The following UBAC2 variants were observed in gnomAD, a reference collection of about 807,000 sequenced individuals.
The protein encoded by UBAC2 is UBA domain containing 2.
In UBAC2, 26 loss-of-function variants were observed where a neutral mutation model predicts 44.0. That is an observed-to-expected ratio of 0.59 (90% CI 0.43 to 0.82). The LOEUF is 0.82. Among genes scored for constraint, UBAC2 ranks in the 40% least tolerant of loss-of-function variants. The pLI is 0.00. For synonymous variants in UBAC2, 155 were observed against 154.3 expected, an observed-to-expected ratio of 1.00 and a Z score of -0.04; for missense variants, 329 against 419.4, an observed-to-expected ratio of 0.78 and a Z score of 1.88.
At chr13:99,214,578 A>G (rs2042970335) in intron 1 of UBAC2, among the ~76,000 whole-genome samples, 1 of 151,146 alleles carries the variant, frequency 6.6e-6, no homozygotes, top group Non-Finnish European at 1.5e-5. Context: ...TGTGGCTTTT[A>G]CTCCTGAGTG....
At chr13:99,238,743 A>G (rs555779923) in intron 2 of UBAC2, among the ~76,000 whole-genome samples, 189 bp downstream of exon 2, 2 of 152,306 alleles carry the variant, frequency 1.3e-5, no homozygotes, top group Non-Finnish European at 2.9e-5. Context: ...TAATGAAGCA[A>G]TGGCAGTATT....
chr13:99,273,314 C>G (rs577509781), intron 4 of UBAC2, among the ~76,000 whole-genome samples: 22 of 152,214 alleles, frequency 1.4e-4, no homozygotes, highest in Admixed American at 3.9e-4. Flanking sequence ...ACCACTTTGG[C>G]AGAGTCAGAT....
chr13:99,273,697 T>A (rs1566480222), intron 4 of UBAC2, among the ~76,000 whole-genome samples: 1 of 152,118 alleles, frequency 6.6e-6, no homozygotes, highest in African/African-American at 2.4e-5. Context: ...ATTCATCCAT[T>A]TGGGTTGTAC....
chr13:99,224,173 G>A (rs1303815735), intron 1 of UBAC2, among the ~76,000 whole-genome samples: 1 of 152,106 alleles, frequency 6.6e-6, no homozygotes, highest in African/African-American at 2.4e-5. Context: ...GTTTCTCCTG[G>A]GGCCTTGCAG....
At chr13:99,204,377 C>T (rs895379313) in intron 1 of UBAC2, among the ~76,000 whole-genome samples, 1 of 152,036 alleles carries the variant, frequency 6.6e-6, no homozygotes, top group Non-Finnish European at 1.5e-5. Flanking sequence ...AGGGACAGAG[C>T]CTGGACAGGG....
chr13:99,356,083 G>T (rs761418484), intron 7 of UBAC2: 1 of 504,470 alleles, frequency 2.0e-6, no homozygotes, highest in Admixed American at 2.0e-5. Context: ...CCTCTGAAAA[G>T]AAATGTCATT....
chr13:99,202,776 C>T (rs2042820939), intron 1 of UBAC2, among the ~76,000 whole-genome samples: 1 of 152,116 alleles, frequency 6.6e-6, no homozygotes, highest in Admixed American at 6.6e-5. Flanking sequence ...GTTGGGATGG[C>T]CGTTCCTCAG....
intron 7 of UBAC2, among the ~76,000 whole-genome samples, chr13:99,342,961 C>T (rs936064997): frequency 6.6e-6 from 1 of 152,234 alleles, no homozygotes; most frequent in Non-Finnish European, 1.5e-5. Flanking sequence ...CCTGAGCCAG[C>T]CTGTCCATTT....
chr13:99,285,479 A>G (rs747480609), intron 4 of UBAC2, among the ~76,000 whole-genome samples: 10 of 151,914 alleles, frequency 6.6e-5, no homozygotes, highest in Non-Finnish European at 1.3e-4. Context: ...TGTAACGTCA[A>G]ACTTCTGGGC....
At chr13:99,336,576 A>G (rs1306140293) in intron 6 of UBAC2, among the ~76,000 whole-genome samples, 2 of 151,718 alleles carry the variant, frequency 1.3e-5, no homozygotes, top group East Asian at 3.9e-4. Context: ...CAATTTACCC[A>G]TGTCTGCTGA....
At chr13:99,227,374 C>G (rs1391709763) in intron 1 of UBAC2, among the ~76,000 whole-genome samples, 1 of 152,166 alleles carries the variant, frequency 6.6e-6, no homozygotes, top group African/African-American at 2.4e-5. Context: ...GCCCCGGGAG[C>G]TGGCTGATAG....
intron 1 of UBAC2, among the ~76,000 whole-genome samples, chr13:99,221,720 G>C (rs1566453370): frequency 6.6e-6 from 1 of 152,114 alleles, no homozygotes; most frequent in Non-Finnish European, 1.5e-5. Context: ...ACATTCACAA[G>C]GCTTCTCGGA....
chr13:99,312,227 G>C (rs1294870647), intron 4 of UBAC2, among the ~76,000 whole-genome samples: 2 of 152,354 alleles, frequency 1.3e-5, no homozygotes, highest in African/African-American at 4.8e-5. Flanking sequence ...GAGGCCAGGA[G>C]GGTCCTGTGT....
chr13:99,275,292 G>A (rs903805783), intron 4 of UBAC2, among the ~76,000 whole-genome samples: 22 of 152,232 alleles, frequency 1.4e-4, no homozygotes, highest in African/African-American at 4.8e-4. Context: ...GGAAGCCTCA[G>A]CTCCTCACCA....
rs530430597 is a variant in UBAC2 at position 99,204,675 on chromosome 13, C to G, written c.31+3736C>G. On this transcript the variant is annotated intron_variant, in intron 1 of 8. Transcript: ENST00000403766. ...AGATTTTCAAAACGGGCCTGAAGCG[C>G]GACCTGTGGGAAAGAAAGAGGCCCC... Among the ~76,000 whole-genome samples, 1,503 of 152,026 alleles carry G rather than the reference C, an allele frequency of 9.9e-3. 28 individuals are homozygous for G. The highest frequency in any genetic ancestry group is 0.035 in the African/African-American group (1,455 of 41,428).
chr13:99,201,139 G>C, intron 1 of UBAC2, 200 bp downstream of exon 1: 1 of 1,356,992 alleles, frequency 7.4e-7, no homozygotes, highest in Non-Finnish European at 9.5e-7. Flanking sequence ...GGGGCGAATG[G>C]GGACAAAGCC....
intron 8 of UBAC2, among the ~76,000 whole-genome samples, chr13:99,379,830 C>G (rs1262873192): frequency 6.6e-6 from 1 of 152,226 alleles, no homozygotes; most frequent in Non-Finnish European, 1.5e-5. Context: ...AAACATAAAT[C>G]TTTTTCTTAT....
chr13:99,330,662 T>C (rs1007191379), intron 6 of UBAC2, among the ~76,000 whole-genome samples: 1 of 152,020 alleles, frequency 6.6e-6, no homozygotes, highest in Non-Finnish European at 1.5e-5. Flanking sequence ...TATTTTTCTT[T>C]ATTATACTAG....
At chr13:99,340,265 C>T (rs1390831583) in intron 6 of UBAC2, 55 bp from the exon 7 acceptor site, 2 of 1,565,290 alleles carry the variant, frequency 1.3e-6, no homozygotes, top group Non-Finnish European at 1.7e-6. Context: ...GAGTCGTGTA[C>T]ATTTTTTAAA....
Sources: gnomAD v4.1 joint callset for allele counts (sites outside exome capture counted in the v4.1 genomes callset) on GRCh38, gnomAD v4.1.1 for gene constraint, MANE v1.5 for transcripts, NCBI Gene and HGNC (gene_info 2026-07-23, HGNC 2026-07-21) for gene names.